ATR: variants seen among roughly 807,000 people sequenced by gnomAD.
The protein encoded by ATR is serine/threonine-protein kinase ATR.
A neutral mutation model predicts 305.3 loss-of-function variants in ATR; 142 were observed. The observed-to-expected ratio is 0.47, with a 90% CI of 0.41 to 0.53. ATR has a LOEUF of 0.53. Ranked by LOEUF, ATR falls within the 20% of genes least tolerant of loss-of-function variation. The probability of loss-of-function intolerance (pLI) is 0.00; values close to 1 mark genes in which losing one functional copy is unlikely to be tolerated. For synonymous variants in ATR, 1,050 were observed against 1,068.1 expected (o/e 0.98, Z 0.33); for missense variants, 2,135 against 3,133.1 (o/e 0.68, Z 7.60).
rs2108471815 is a variant in ATR, at chr3:142,556,119, G to C, written c.2099C>G (p.Ser700Cys). 1 of 1,612,822 alleles carries C rather than the reference G, an allele frequency of 6.2e-7. No individual in the cohort carries two copies. Among genetic ancestry groups the C allele is most frequent in the Non-Finnish European group, 8.5e-7 (1 of 1,179,646 alleles). The change falls in exon 10 of 47, where the codon TCT (serine) becomes TGT (cysteine). Residue 700 changes from serine to cysteine, a missense_variant. By Grantham distance (112) the Ser-to-Cys change is moderately radical (BLOSUM62 -1). Transcript: ENST00000350721. ...KILIDKVKDD[S>C]DIVKKEFASI... ...AGCAAATTCTTTCTTGACAATGTCA[G>C]AATCATCTTTGACTTTATCTCTGGG...
Position 142,560,366 on chromosome 3 carries a change from T to C in ATR, c.1438A>G (p.Ser480Gly). 6.2e-7 allele frequency: 1 copy of C among 1,613,852 alleles called. No individual in the cohort carries two copies. The highest frequency in any genetic ancestry group is 8.5e-7 in the Non-Finnish European group (1 of 1,179,806). Residue 480 changes from serine (S) to glycine (G), a missense_variant, in exon 6 of 47, where the codon AGT becomes GGT. Coordinates refer to ENST00000350721, the MANE Select transcript of ATR (RefSeq NM_001184.4). ...TCAATAACAGGATTCTTTAGGCCAC[T>C]GTATTCAAGGGAAATCTGAAGGGAT... ...AESLQISLEY[S>G]GLKNPVIEML... is the part of the protein sequence containing the mutation.
At chr3:142,505,716 A>G (rs1421528423) in intron 28 of ATR, among the ~76,000 whole-genome samples, 1 of 152,228 alleles carries the variant, frequency 6.6e-6, no homozygotes, top group East Asian at 1.9e-4. Flanking sequence ...CAAGACAGCA[A>G]TCTGGGCTCA....
rs185086894 is a variant in ATR at position 142,464,372 on chromosome 3, T to C, written c.7041+725A>G. Among the ~76,000 whole-genome samples the C allele has an allele frequency of 2.6e-5, 4 of 152,248 alleles. No homozygotes were observed. In the East Asian group the frequency reaches 7.7e-4, roughly 29 times the overall value. Reference sequence around the variant, plus strand: ...AAACTCTTGGCCTCAAGTGGTCCTCTTTCCTGGGCCTCCCAAAGTGTTAGG... The same window carrying C: ...AAACTCTTGGCCTCAAGTGGTCCTCCTTCCTGGGCCTCCCAAAGTGTTAGG... On this transcript the variant is annotated intron_variant, in intron 41 of 46. Coordinates refer to ENST00000350721, the MANE Select transcript of ATR (RefSeq NM_001184.4).
rs1032716786 is a variant in ATR, at chr3:142,496,370, G to A, written c.5889C>T (p.Leu1963=). 1.1e-5 allele frequency: 17 copies of A among 1,549,316 alleles called. No individual in the cohort carries two copies. The highest frequency in any genetic ancestry group is 1.5e-5 in the Non-Finnish European group (17 of 1,148,968). ...AELYVERAKW[L]WSKGDVHQAL... is the part of the protein sequence containing the mutation. ...TTTCCCTGGCCATTACCTTGGACCA[G>A]AGCCACTTTGCCCTTTCCACGTACA... is the stretch of plus-strand genomic sequence containing the variant. The change falls in exon 34 of 47, where the codon CTC becomes CTT. Residue 1963 remains leucine, a synonymous_variant. Coordinates refer to ENST00000350721, the MANE Select transcript of ATR (RefSeq NM_001184.4).
intron 46 of ATR, chr3:142,450,853 G>C (rs900610092): frequency 7.4e-7 from 1 of 1,346,840 alleles, no homozygotes; most frequent in African/African-American, 1.5e-5. Flanking sequence ...ATTTCTGGAA[G>C]TGTTCTCCGA....
chr3:142,542,395 C>T (rs1420491626), intron 17 of ATR, among the ~76,000 whole-genome samples: 1 of 152,170 alleles, frequency 6.6e-6, no homozygotes, highest in Admixed American at 6.5e-5. Flanking sequence ...CAAGTTATGC[C>T]TAAAGCTACA....
At chr3:142,571,998 T>C (rs1577719963) in intron 1 of ATR, among the ~76,000 whole-genome samples, 1 of 151,406 alleles carries the variant, frequency 6.6e-6, no homozygotes, top group Non-Finnish European at 1.5e-5. Flanking sequence ...ACTCCTGACC[T>C]CAGGTAATCC....
chr3:142,499,608 T>G lies in ATR; in HGVS notation c.5380+19A>C. The G allele has an allele frequency of 6.2e-7, 1 of 1,610,862 alleles. No homozygotes were observed. Among genetic ancestry groups the G allele is most frequent in the Non-Finnish European group, 8.5e-7 (1 of 1,177,212 alleles). Reference sequence around the variant, plus strand: ...CGCACCCATCCTAAAACTGCTTATATTTTAAGAAGTAATTTTACCTGCTGC... The same window carrying G: ...CGCACCCATCCTAAAACTGCTTATAGTTTAAGAAGTAATTTTACCTGCTGC... On this transcript the variant is annotated intron_variant, in intron 31 of 46. Coordinates refer to ENST00000350721, the MANE Select transcript of ATR (RefSeq NM_001184.4).
chr3:142,497,241 T>A lies in ATR; in HGVS notation c.5559-49A>T. 3 of 1,573,226 alleles carry A rather than the reference T, an allele frequency of 1.9e-6. No homozygotes were observed. The South Asian group carries it at 3.4e-5, about 18-fold the overall frequency. ...TAAAATGTTATCATATTCAGCCTTA[T>A]TAATCTCATATATAAAGCAAGTACT... On this transcript the variant is annotated intron_variant, in intron 32 of 46. Coordinates refer to ENST00000350721, the MANE Select transcript of ATR (RefSeq NM_001184.4).
At chr3:142,522,395 T>C (rs955230389) in intron 23 of ATR, among the ~76,000 whole-genome samples, 5 of 152,120 alleles carry the variant, frequency 3.3e-5, no homozygotes, top group African/African-American at 9.7e-5. Context: ...TGCTTGTACA[T>C]AGAAAAATAA....
chr3:142,482,833 T>TA (rs75409897), intron 36 of ATR, among the ~76,000 whole-genome samples: 133 of 137,052 alleles, frequency 9.7e-4, no homozygotes, highest in Admixed American at 1.1e-3. Context: ...CTTTGTCAAT[T>TA]AAAAAAAAAA....
In ATR at chr3:142,468,639, T is replaced by C. The variant is rs542231763; in HGVS notation, c.6553-571A>G. On this transcript the variant is annotated intron_variant, in intron 38 of 46. Transcript: ENST00000350721. Reference sequence around the variant, plus strand: ...TCTCTAAACATTTACTTATTACATATATTGACCAACATATGAATTCCCATT... The same window carrying C: ...TCTCTAAACATTTACTTATTACATACATTGACCAACATATGAATTCCCATT... Among the ~76,000 whole-genome samples, 9 of 152,296 alleles carry C rather than the reference T, an allele frequency of 5.9e-5. No homozygotes were observed. In the South Asian group the frequency reaches 1.9e-3, roughly 32 times the overall value.
At chr3:142,476,937 T>C (rs1409291094) in intron 36 of ATR, among the ~76,000 whole-genome samples, 1 of 152,222 alleles carries the variant, frequency 6.6e-6, no homozygotes, top group Non-Finnish European at 1.5e-5. Context: ...TTTTTGCACA[T>C]TGATTTTGTA....
chr3:142,484,626 A>C (rs1337956465), intron 36 of ATR, among the ~76,000 whole-genome samples: 5 of 152,180 alleles, frequency 3.3e-5, no homozygotes, highest in Non-Finnish European at 5.9e-5. Context: ...TATTGAACCC[A>C]AGAGGAGGTT....
chr3:142,540,878 A>G (rs1288758055), intron 18 of ATR, 26 bp downstream of exon 18: 1 of 1,563,790 alleles, frequency 6.4e-7, no homozygotes, highest in Non-Finnish European at 8.7e-7. Context: ...AAAAAAAAAA[A>G]TTAATAAACT....
intron 3 of ATR, among the ~76,000 whole-genome samples, chr3:142,565,407 T>C (rs917160165): frequency 2.4e-4 from 37 of 152,070 alleles, no homozygotes; most frequent in African/African-American, 8.9e-4. Flanking sequence ...AAGACACCAA[T>C]GAAGGGACAA....
At chr3:142,554,675 A>C (rs941632660) in intron 10 of ATR, among the ~76,000 whole-genome samples, 49 of 152,032 alleles carry the variant, frequency 3.2e-4, no homozygotes, top group African/African-American at 1.2e-3. Context: ...TAATCCCAAC[A>C]CTCTGGGAGG....
intron 18 of ATR, 57 bp from the exon 19 acceptor site, chr3:142,538,682 C>A (rs2108433413): frequency 1.3e-6 from 2 of 1,594,726 alleles, no homozygotes; most frequent in South Asian, 2.2e-5. Flanking sequence ...TTGTAAAGCT[C>A]TATCAATCAG....
intron 35 of ATR, among the ~76,000 whole-genome samples, chr3:142,491,528 A>T (rs1164618654): frequency 2.0e-5 from 3 of 152,196 alleles, no homozygotes; most frequent in Non-Finnish European, 4.4e-5. Context: ...TGTGCCTCAT[A>T]AGTTGTTGTG....
Sources: gnomAD v4.1 joint callset for allele counts (sites outside exome capture counted in the v4.1 genomes callset) on GRCh38, gnomAD v4.1.1 for gene constraint, MANE v1.5 for transcripts, NCBI Gene and HGNC (gene_info 2026-07-23, HGNC 2026-07-21) for gene names.